The following COL6A5 variants were observed in gnomAD, a reference collection of about 807,000 sequenced individuals.
COL6A5 encodes the protein collagen type VI alpha 5 chain, also known as collagen alpha-5(VI) chain.
COL6A5 carries 48 observed loss-of-function variants against 65.6 expected under a neutral mutation model. The ratio of observed to expected loss-of-function variants is 0.73; its 90% CI spans 0.58 to 0.93. COL6A5 has a LOEUF of 0.93. Ranked by LOEUF, COL6A5 falls within the 40% of genes least tolerant of loss-of-function variation. The pLI, the probability that COL6A5 is intolerant of heterozygous loss-of-function variation, is 0.00. For synonymous variants in COL6A5, 291 were observed against 322.8 expected, an observed-to-expected ratio of 0.90 and a Z score of 1.05; for missense variants, 914 against 928.3, an observed-to-expected ratio of 0.98 and a Z score of 0.20.
chr3:130,374,464 AT>A (rs1160881362), intron 2 of COL6A5, among the ~76,000 whole-genome samples: 2 of 151,814 alleles, frequency 1.3e-5, no homozygotes, highest in African/African-American at 2.4e-5. Context: ...TTATAATCGT[AT>A]TTTTTTGAGA....
chr3:130,363,543 G>C (rs1935216972), intron 1 of COL6A5, among the ~76,000 whole-genome samples: 2 of 152,172 alleles, frequency 1.3e-5, no homozygotes. Flanking sequence ...GCTAGATTCT[G>C]ATAAAACCCC....
chr3:130,481,275 TTATGAGTGGGAACA>T (rs1340735180), intron 7 of COL6A5, among the ~76,000 whole-genome samples: 4 of 147,770 alleles, frequency 2.7e-5, no homozygotes, highest in Admixed American at 6.9e-5. Context: ...CAGCTCCAAC[TTATGAGTGGGAACA>T]TGTGGTGTTT....
At chr3:130,483,352 C>A (rs190228511) in intron 7 of COL6A5, among the ~76,000 whole-genome samples, 1 of 152,286 alleles carries the variant, frequency 6.6e-6, no homozygotes, top group African/African-American at 2.4e-5. Flanking sequence ...ATCATAATGA[C>A]AGGATCAAAT....
exon 7 of COL6A5, chr3:130,470,886 A>G (rs770782193): frequency 3.7e-6 from 6 of 1,612,178 alleles, no homozygotes; most frequent in Non-Finnish European, 4.2e-6. Flanking sequence ...ATCAACAAAT[A>G]TCCCACCGAA....
rs370910619 is a variant in COL6A5 at position 130,395,132 on chromosome 3, G to A, written c.3235G>A (p.Gly1079Ser). 99 of 1,551,628 alleles carry A rather than the reference G, an allele frequency of 6.4e-5. No individual in the cohort carries two copies. The highest frequency in any genetic ancestry group is 6.3e-4 in the African/African-American group (46 of 73,150). Reference sequence around the variant, plus strand: ...TCAAATTCAGAATGTCTCCAAGAGCGGTGGATTTCCAAGAATTGACTTTGC... The same window carrying A: ...TCAAATTCAGAATGTCTCCAAGAGCAGTGGATTTCCAAGAATTGACTTTGC... The change falls in exon 8 of 42, where the codon GGT (glycine) becomes AGT (serine). Residue 1079 changes from glycine to serine, a missense_variant and NMD_transcript_variant. Gly to Ser is a moderately conservative substitution (Grantham distance 56). Coordinates refer to the COL6A5 transcript ENST00000312481.
intron 5 of COL6A5, 119 bp downstream of exon 37, chr3:130,455,785 A>C (rs1035091130): frequency 4.2e-6 from 3 of 707,708 alleles, no homozygotes; most frequent in Non-Finnish European, 7.1e-6. Context: ...TTTAAAGTTC[A>C]TTATGGTAGA....
chr3:130,422,591 A>G (rs2107685662), intron 27 of COL6A5, 129 bp from the exon 28 acceptor site: 1 of 581,866 alleles, frequency 1.7e-6, no homozygotes, highest in East Asian at 3.2e-5. Context: ...ATGACATTTA[A>G]TGTTGTATTG....
exon 6 of COL6A5, chr3:130,468,797 C>T (rs769922941): frequency 1.2e-5 from 19 of 1,603,416 alleles, no homozygotes; most frequent in Non-Finnish European, 1.6e-5. Context: ...TGTTGCAGGA[C>T]ATGAAAATTA....
At chr3:130,383,136 G>A (rs183179941) in intron 4 of COL6A5, among the ~76,000 whole-genome samples, 1 of 152,094 alleles carries the variant, frequency 6.6e-6, no homozygotes, top group Non-Finnish European at 1.5e-5. Context: ...TTGAGCCAAG[G>A]GACACATTCT....
At chr3:130,473,975 C>G (rs1710025729) in intron 7 of COL6A5, among the ~76,000 whole-genome samples, 1 of 152,026 alleles carries the variant, frequency 6.6e-6, no homozygotes, top group East Asian at 1.9e-4. Context: ...TGGTCTCAAG[C>G]AGTAACAGTA....
In COL6A5 at chr3:130,410,029, T is replaced by C. The variant is rs368969444; in HGVS notation, c.4563T>C (p.Asn1521=). The C allele has an allele frequency of 6.1e-5, 94 of 1,549,416 alleles. No homozygotes were observed. In the African/African-American group the frequency reaches 1.2e-3, roughly 21 times the overall value. ...TCTAGGGTAATCCAGGACAAAACAATAACATCAAAGGACAAAAGGGCTCCA... is the reference window on the plus strand; with the variant it reads ...TCTAGGGTAATCCAGGACAAAACAACAACATCAAAGGACAAAAGGGCTCCA... Residue 1521 remains asparagine, a synonymous_variant and NMD_transcript_variant, in exon 19 of 42, where the codon AAT becomes AAC. Coordinates refer to the COL6A5 transcript ENST00000312481.
chr3:130,376,244 C>A, exon 3 of COL6A5: 1 of 1,598,224 alleles, frequency 6.3e-7, no homozygotes, highest in South Asian at 1.1e-5. Flanking sequence ...TAGGGCCAGG[C>A]CCTGTGTATG....
chr3:130,401,622 C>T (rs2107664703), intron 11 of COL6A5, 140 bp from the exon 12 acceptor site: 3 of 659,506 alleles, frequency 4.5e-6, no homozygotes, highest in South Asian at 3.9e-5. Flanking sequence ...TCAGAAAGCA[C>T]CTCTTATTCT....
chr3:130,440,665 C>A lies in COL6A5; in HGVS notation c.1083C>A (p.Tyr361Ter), dbSNP rs374598016. ...CTTTGAGGGCTAAGTGTCAAGGCTA[C>A]GTCATATTTGTGATTTCTCTGGGCT... Residue 361 changes from tyrosine to a stop codon, truncating the protein, a stop_gained, in exon 3 of 8, where the codon TAC (tyrosine) becomes TAA (stop). Transcript: ENST00000512836. LOFTEE classifies it high-confidence loss of function. The A allele has an allele frequency of 3.1e-6, 5 of 1,613,156 alleles. No individual in the cohort carries two copies. In the Admixed American group the frequency reaches 8.3e-5, roughly 27 times the overall value.
chr3:130,391,188 G>T (rs900791849), exon 7 of COL6A5: 1 of 1,548,186 alleles, frequency 6.5e-7, no homozygotes, highest in African/African-American at 1.4e-5. Context: ...GATTGTAAAA[G>T]GATTACACTA....
chr3:130,385,416 G>A lies in COL6A5; in HGVS notation c.1861+52G>A, dbSNP rs535805388. 4.0e-6 allele frequency: 6 copies of A among 1,492,314 alleles called. No individual in the cohort carries two copies. The African/African-American group carries it at 5.6e-5, about 14-fold the overall frequency. 92.4% of individuals were successfully genotyped at this position (1,492,314 alleles called of 1,614,324 possible). ...CTCCACATTTCATCAATTGCTTTAG[G>A]CAGATTAATGGCCAGGCTGAGACAA... On this transcript the variant is annotated intron_variant and NMD_transcript_variant, in intron 5 of 41. Transcript: ENST00000312481.
intron 1 of COL6A5, among the ~76,000 whole-genome samples, chr3:130,354,430 A>G (rs1934845768): frequency 6.6e-6 from 1 of 152,188 alleles, no homozygotes; most frequent in Non-Finnish European, 1.5e-5. Flanking sequence ...ATCATTGGGT[A>G]TGCAAAACCC....
chr3:130,402,092 A>G (rs80027815), intron 12 of COL6A5, among the ~76,000 whole-genome samples: 1,640 of 152,284 alleles, frequency 0.011, 65 homozygotes, highest in Admixed American at 0.066. Context: ...TGGTTTTGCA[A>G]TTTATACTTT....
chr3:130,477,862 T>C (rs1189592166), intron 7 of COL6A5, among the ~76,000 whole-genome samples: 5 of 152,132 alleles, frequency 3.3e-5, no homozygotes, highest in African/African-American at 1.2e-4. Flanking sequence ...TGCAGGACTT[T>C]TTATTGTCTT....
Sources: gnomAD v4.1 joint callset for allele counts (sites outside exome capture counted in the v4.1 genomes callset) on GRCh38, gnomAD v4.1.1 for gene constraint, MANE v1.5 for transcripts, NCBI Gene and HGNC (gene_info 2026-07-23, HGNC 2026-07-21) for gene names.